The following COP1 variants were observed in gnomAD, a reference collection of about 807,000 sequenced individuals.
The protein encoded by COP1 is COP1 E3 ubiquitin ligase, also known as E3 ubiquitin-protein ligase COP1.
A neutral mutation model predicts 101.3 loss-of-function variants in COP1; 24 were observed. That is an observed-to-expected ratio of 0.24 (90% confidence interval 0.17 to 0.33). The LOEUF is 0.33. COP1 is among the 10% of genes least tolerant of loss of function. COP1 has a pLI of 1.00. For missense variants in COP1, 663 were observed against 906.2 expected (o/e 0.73, Z 3.45); for synonymous variants, 347 against 341.9 (o/e 1.01, Z -0.17).
intron 1 of COP1, 117 bp downstream of exon 1, chr1:176,206,455 A>T: frequency 8.3e-7 from 1 of 1,207,542 alleles, no homozygotes; most frequent in Non-Finnish European, 1.2e-6. Flanking sequence ...ACACCACCAC[A>T]GCACCAGTAT....
intron 8 of COP1, 112 bp from the exon 9 acceptor site, chr1:176,116,793 C>A: frequency 1.4e-6 from 1 of 726,464 alleles, no homozygotes; most frequent in South Asian, 2.0e-5. Flanking sequence ...ATTTCTAAGC[C>A]AAGAAAATAT....
intron 15 of COP1, among the ~76,000 whole-genome samples, chr1:175,997,662 T>C (rs189560135): frequency 1.8e-4 from 28 of 152,320 alleles, no homozygotes; most frequent in Non-Finnish European, 3.1e-4. Context: ...TCATCATCAC[T>C]GGCTATCAGA....
intron 15 of COP1, among the ~76,000 whole-genome samples, chr1:176,001,876 T>C (rs1338700427): frequency 6.6e-6 from 1 of 152,130 alleles, no homozygotes; most frequent in African/African-American, 2.4e-5. Flanking sequence ...AAATTCTTTA[T>C]TGACAATCTT....
intron 15 of COP1, among the ~76,000 whole-genome samples, chr1:176,015,063 A>C (rs1367366553): frequency 2.6e-5 from 4 of 152,122 alleles, no homozygotes; most frequent in Non-Finnish European, 2.9e-5. Context: ...GGCTTCTTTG[A>C]GGAGATGATG....
intron 11 of COP1, among the ~76,000 whole-genome samples, chr1:176,062,505 T>A (rs951245408): frequency 6.6e-6 from 1 of 152,198 alleles, no homozygotes; most frequent in African/African-American, 2.4e-5. Flanking sequence ...TGCTGAGGAT[T>A]TAGAACTGGA....
chr1:176,065,733 A>AGTCTTGC (rs1422600366), intron 11 of COP1, among the ~76,000 whole-genome samples: 2 of 124,722 alleles, frequency 1.6e-5, no homozygotes, highest in African/African-American at 6.3e-5. Context: ...TTTCAGACGG[A>AGTCTTGC]GTCTTGCTCC....
intron 5 of COP1, 33 bp downstream of exon 5, chr1:176,162,836 T>C (rs371293010): frequency 7.1e-6 from 11 of 1,557,966 alleles, no homozygotes; most frequent in East Asian, 2.3e-5. Context: ...AGTTCATCAT[T>C]TAAAATTTTT....
intron 12 of COP1, among the ~76,000 whole-genome samples, chr1:176,045,584 A>AAG (rs1337759658): frequency 1.3e-5 from 2 of 150,504 alleles, no homozygotes; most frequent in African/African-American, 4.9e-5. Flanking sequence ...TTAGAAGGAA[A>AAG]AAAAAAAAAA....
chr1:176,074,938 T>C (rs999164022), intron 11 of COP1, among the ~76,000 whole-genome samples: 1 of 152,188 alleles, frequency 6.6e-6, no homozygotes, highest in African/African-American at 2.4e-5. Context: ...CTTAAAAGCA[T>C]AGTATACATT....
chr1:176,090,407 GTTTA>G (rs955456456), intron 9 of COP1, among the ~76,000 whole-genome samples: 25 of 152,118 alleles, frequency 1.6e-4, no homozygotes, highest in African/African-American at 5.8e-4. Flanking sequence ...CTTTAAAAAA[GTTTA>G]TTTGTCTCCA....
intron 18 of COP1, among the ~76,000 whole-genome samples, chr1:175,949,168 C>CAAAAAAAA (rs56280543): frequency 0.23 from 10,008 of 42,796 alleles, 3,100 homozygotes; most frequent in East Asian, 0.54. Context: ...GGCTCCGTCT[C>CAAAAAAAA]AAAAAAAAAA....
At chr1:176,099,378 C>CT (rs1682972342) in intron 9 of COP1, among the ~76,000 whole-genome samples, 1 of 152,106 alleles carries the variant, frequency 6.6e-6, no homozygotes, top group African/African-American at 2.4e-5. Flanking sequence ...ATCTTTTTAA[C>CT]TTTTGCTTGG....
intron 11 of COP1, among the ~76,000 whole-genome samples, chr1:176,059,406 T>C (rs1271106855): frequency 5.3e-5 from 8 of 152,212 alleles, no homozygotes; most frequent in South Asian, 2.1e-4. Context: ...TTATTTTCCT[T>C]TTATTTCTCC....
intron 14 of COP1, among the ~76,000 whole-genome samples, chr1:176,037,897 T>C (rs1248521366): frequency 1.3e-5 from 2 of 152,194 alleles, no homozygotes; most frequent in African/African-American, 2.4e-5. Context: ...AGGTTCACTG[T>C]TGTCATTCCT....
intron 11 of COP1, among the ~76,000 whole-genome samples, chr1:176,066,813 C>T (rs1164334584): frequency 1.3e-5 from 2 of 152,116 alleles, no homozygotes; most frequent in African/African-American, 4.8e-5. Context: ...TTGTTCTGGT[C>T]TCTAAACTAG....
At chr1:176,035,356 T>C (rs971245723) in intron 14 of COP1, among the ~76,000 whole-genome samples, 1 of 149,382 alleles carries the variant, frequency 6.7e-6, no homozygotes, top group Non-Finnish European at 1.5e-5. Flanking sequence ...TTACCCAACC[T>C]GAAGAGAAAA....
intron 8 of COP1, among the ~76,000 whole-genome samples, chr1:176,117,826 C>T (rs530616858): frequency 5.9e-5 from 9 of 152,110 alleles, no homozygotes; most frequent in African/African-American, 1.7e-4. Flanking sequence ...ACTTGTGAGA[C>T]GGAGGTTGCA....
At chr1:176,115,734 T>C (rs1262303336) in intron 9 of COP1, among the ~76,000 whole-genome samples, 1 of 151,974 alleles carries the variant, frequency 6.6e-6, no homozygotes, top group African/African-American at 2.4e-5. Flanking sequence ...GACAGTGAGA[T>C]TCTGTTTCAA....
chr1:176,187,365 C>T (rs1264563988), intron 1 of COP1, among the ~76,000 whole-genome samples: 1 of 150,576 alleles, frequency 6.6e-6, no homozygotes, highest in Non-Finnish European at 1.5e-5. Context: ...CACATATATA[C>T]ACACTATATA....
Sources: allele counts gnomAD v4.1 joint callset (sites outside exome capture counted in the v4.1 genomes callset), GRCh38; gene constraint gnomAD v4.1.1; transcripts MANE v1.5; gene names NCBI Gene and HGNC (gene_info 2026-07-23, HGNC 2026-07-21).